The following PRELID2 variants were observed in gnomAD, a reference collection of about 807,000 sequenced individuals.
PRELID2 encodes the protein PRELI domain-containing protein 2.
A neutral mutation model predicts 28.4 loss-of-function variants in PRELID2; 25 were observed. That is an observed-to-expected ratio of 0.88 (90% CI 0.64 to 1.23). PRELID2 has a LOEUF of 1.23. PRELID2 is among the 50% of genes most tolerant of loss of function. The pLI is 0.00. For missense variants in PRELID2, 201 were observed against 214.4 expected, an observed-to-expected ratio of 0.94 and a Z score of 0.39; for synonymous variants, 76 against 71.6, an observed-to-expected ratio of 1.06 and a Z score of -0.31.
chr5:145,327,214 G>A, the PRELID2 span, among the ~76,000 whole-genome samples: 2 of 151,886 alleles, frequency 1.3e-5, no homozygotes, highest in Admixed American at 6.6e-5. Context: ...TGAAAACAGG[G>A]TATTGAATTC....
the PRELID2 span, among the ~76,000 whole-genome samples, chr5:145,250,936 T>G: frequency 2.1e-4 from 32 of 152,246 alleles, no homozygotes; most frequent in African/African-American, 7.5e-4. Flanking sequence ...TACTTTCATT[T>G]TACATCCAGT....
the PRELID2 span, among the ~76,000 whole-genome samples, chr5:145,300,495 A>G: frequency 1.3e-5 from 2 of 152,050 alleles, no homozygotes; most frequent in East Asian, 3.8e-4. Flanking sequence ...ATAAGTTTTT[A>G]TTTAAGCTCA....
At chr5:145,432,031 ATAT>A in the PRELID2 span, among the ~76,000 whole-genome samples, 1 of 152,156 alleles carries the variant, frequency 6.6e-6, no homozygotes, top group Non-Finnish European at 1.5e-5. Context: ...CATATCTGAC[ATAT>A]TATTATTTGA....
chr5:145,724,646 T>TATAA (rs1756090075), intron 1 of PRELID2, among the ~76,000 whole-genome samples: 1 of 120,092 alleles, frequency 8.3e-6, no homozygotes, highest in African/African-American at 3.0e-5. Flanking sequence ...TATATATATA[T>TATAA]AATGCCTGTA....
At chr5:145,501,516 T>G (rs1185965371) in intron 1 of PRELID2, among the ~76,000 whole-genome samples, 1 of 152,238 alleles carries the variant, frequency 6.6e-6, no homozygotes, top group East Asian at 1.9e-4. Flanking sequence ...CCCCATACTG[T>G]TCTTGTGGTG....
At chr5:145,711,759 A>C (rs905429886) in intron 1 of PRELID2, among the ~76,000 whole-genome samples, 1 of 152,050 alleles carries the variant, frequency 6.6e-6, no homozygotes, top group Admixed American at 6.6e-5. Flanking sequence ...GGGCAAGAGG[A>C]CTGAGAGAAA....
In PRELID2 at chr5:145,606,023, G is replaced by A. The variant is rs181209284; in HGVS notation, n.71-132708C>T. ...TATTCCTAGGTATTTTATTCTTTTT[G>A]TGGTTATTATTAATGGGATTGCATT... On this transcript the variant is annotated intron_variant and non_coding_transcript_variant, in intron 1 of 2. Coordinates refer to the PRELID2 transcript ENST00000510259. 1.3e-4 allele frequency among the ~76,000 whole-genome samples: 20 copies of A among 151,992 alleles called. No homozygotes were observed. The South Asian group carries it at 1.5e-3, about 11-fold the overall frequency.
the PRELID2 span, among the ~76,000 whole-genome samples, chr5:145,421,050 T>TATTGAACCA: frequency 6.6e-6 from 1 of 150,804 alleles, no homozygotes; most frequent in Admixed American, 6.6e-5. Flanking sequence ...GATTTGCGTA[T>TATTGAACCA]ATTGAACCAG....
intron 5 of PRELID2, among the ~76,000 whole-genome samples, chr5:145,790,171 G>C (rs1352059840): frequency 2.6e-5 from 4 of 152,112 alleles, no homozygotes; most frequent in Non-Finnish European, 5.9e-5. Context: ...TTGGGAATCA[G>C]TATGTCAAAG....
the PRELID2 span, among the ~76,000 whole-genome samples, chr5:145,315,314 C>T: frequency 3.9e-5 from 6 of 151,950 alleles, no homozygotes; most frequent in East Asian, 1.9e-4. Context: ...GTGATCTGCC[C>T]GCCTCGGCCT....
At chr5:145,410,823 C>CT in the PRELID2 span, among the ~76,000 whole-genome samples, 1 of 152,040 alleles carries the variant, frequency 6.6e-6, no homozygotes, top group Non-Finnish European at 1.5e-5. Context: ...ACAGTCATAC[C>CT]TTTTCAACCA....
chr5:145,826,145 C>T (rs943439782), intron 1 of PRELID2: 87 of 985,290 alleles, frequency 8.8e-5, no homozygotes, highest in Non-Finnish European at 9.9e-5. Context: ...AGGGTGCTAT[C>T]CTAGAGAAGC....
At chr5:145,362,696 A>G in the PRELID2 span, among the ~76,000 whole-genome samples, 6 of 152,264 alleles carry the variant, frequency 3.9e-5, no homozygotes, top group African/African-American at 1.4e-4. Flanking sequence ...TAGGCTTACT[A>G]ATACAACACC....
At chr5:145,805,517 G>A (rs560602970) in intron 4 of PRELID2, among the ~76,000 whole-genome samples, 68 of 152,120 alleles carry the variant, frequency 4.5e-4, no homozygotes, top group Non-Finnish European at 9.1e-4. Flanking sequence ...GCCAGCCCAG[G>A]GATACAAAAC....
At chr5:145,787,793 A>G (rs1248769693) in intron 5 of PRELID2, among the ~76,000 whole-genome samples, 1 of 152,122 alleles carries the variant, frequency 6.6e-6, no homozygotes, top group Non-Finnish European at 1.5e-5. Flanking sequence ...CTCCCACTTC[A>G]GCGTCCCAAA....
At chr5:145,251,724 C>A in the PRELID2 span, among the ~76,000 whole-genome samples, 1 of 152,098 alleles carries the variant, frequency 6.6e-6, no homozygotes, top group Non-Finnish European at 1.5e-5. Flanking sequence ...ATGGACATTG[C>A]ACCTTGTTTG....
chr5:145,820,100 G>A, intron 2 of PRELID2, 82 bp from the exon 3 acceptor site: 1 of 822,864 alleles, frequency 1.2e-6, no homozygotes, highest in Non-Finnish European at 1.9e-6. Context: ...GCGGGGGTGG[G>A]GTTTTTTTGT....
the PRELID2 span, among the ~76,000 whole-genome samples, chr5:145,322,321 C>T: frequency 6.6e-6 from 1 of 152,070 alleles, no homozygotes; most frequent in South Asian, 2.1e-4. Flanking sequence ...CTCTTAGGAC[C>T]AGGAGAATAG....
At chr5:145,263,615 G>T in the PRELID2 span, among the ~76,000 whole-genome samples, 1 of 151,628 alleles carries the variant, frequency 6.6e-6, no homozygotes, top group Admixed American at 6.6e-5. Flanking sequence ...GAAGAGGGAG[G>T]ATCCAAAGAA....
Sources: gnomAD v4.1 joint callset for allele counts (sites outside exome capture counted in the v4.1 genomes callset) on GRCh38, gnomAD v4.1.1 for gene constraint, MANE v1.5 for transcripts, NCBI Gene and HGNC (gene_info 2026-07-23, HGNC 2026-07-21) for gene names.